LMAN2: variants seen among roughly 807,000 people sequenced by gnomAD.
The protein encoded by LMAN2 is vesicular integral-membrane protein VIP36.
LMAN2 carries 22 observed loss-of-function variants against 39.3 expected under a neutral mutation model. That is an observed-to-expected ratio of 0.56 (90% CI 0.40 to 0.80). The LOEUF (loss-of-function observed/expected upper bound fraction) is 0.80. Among genes scored for constraint, LMAN2 ranks in the 30% least tolerant of loss-of-function variants. LMAN2 has a pLI of 0.00. For synonymous variants in LMAN2, 207 were observed against 207.8 expected (o/e 1.00, Z 0.03); for missense variants, 494 against 505.4 (o/e 0.98, Z 0.22).
chr5:177,346,868 G>C (rs1303358743), intron 2 of LMAN2, among the ~76,000 whole-genome samples: 1 of 152,034 alleles, frequency 6.6e-6, no homozygotes, highest in East Asian at 1.9e-4. Flanking sequence ...AAAACATGAG[G>C]AAAGCTAGAG....
At chr5:177,348,477 A>T (rs1761669750) in intron 2 of LMAN2, among the ~76,000 whole-genome samples, 1 of 152,164 alleles carries the variant, frequency 6.6e-6, no homozygotes, top group African/African-American at 2.4e-5. Flanking sequence ...ACTTGAGGCC[A>T]GGAGTCGGAG....
chr5:177,345,339 TAAA>T (rs10639580), intron 2 of LMAN2, among the ~76,000 whole-genome samples: 9 of 52,412 alleles, frequency 1.7e-4, no homozygotes, highest in East Asian at 7.8e-4. Flanking sequence ...AGACCCTGTC[TAAA>T]AAAAAAAAAA....
At position 177,348,878 on chromosome 5, in the gene LMAN2, C is replaced by A. The variant is rs1173050678; in HGVS notation, c.315+2295G>T. Among the ~76,000 whole-genome samples, 6 of 122,426 alleles carry A rather than the reference C, an allele frequency of 4.9e-5. No individual in the cohort carries two copies. The South Asian group carries it at 1.3e-3, about 27-fold the overall frequency. 80.3% of individuals were successfully genotyped at this position (122,426 alleles called of 152,430 possible). ...CAGCCTGGGTGACAGAACAAGACTC[C>A]GTCTCAAAAAAAAAAAAAAAAAAAG... On this transcript the variant is annotated intron_variant, in intron 2 of 7. Coordinates refer to ENST00000303127, the MANE Select transcript of LMAN2 (RefSeq NM_006816.3).
intron 2 of LMAN2, among the ~76,000 whole-genome samples, chr5:177,348,514 T>C (rs1035790391): frequency 6.6e-6 from 1 of 151,530 alleles, no homozygotes; most frequent in African/African-American, 2.4e-5. Context: ...TGGCAAAACC[T>C]CATCTCTACT....
intron 2 of LMAN2, among the ~76,000 whole-genome samples, chr5:177,340,781 GACTC>G (rs1323878608): frequency 6.7e-6 from 1 of 149,602 alleles, no homozygotes; most frequent in African/African-American, 2.4e-5. Context: ...AAAAAAATCA[GACTC>G]ACTCTGTCGC....
Position 177,339,726 on chromosome 5 carries a change from A to G in LMAN2, c.316-1121T>C, listed in dbSNP as rs75458383. ...AGAGAAATGAATACAGGAGTAAAGGAACATGAACCAGTATTAATGATGGGT... is the reference window on the plus strand; with the variant it reads ...AGAGAAATGAATACAGGAGTAAAGGGACATGAACCAGTATTAATGATGGGT... On this transcript the variant is annotated intron_variant, in intron 2 of 7. Transcript: ENST00000303127. Among the ~76,000 whole-genome samples, 603 of 152,354 alleles carry G rather than the reference A, an allele frequency of 4.0e-3. 1 individual carries two copies. The highest frequency in any genetic ancestry group is 6.5e-3 in the Non-Finnish European group (444 of 68,024).
chr5:177,338,986 C>T (rs925472817), intron 2 of LMAN2, among the ~76,000 whole-genome samples: 1 of 152,256 alleles, frequency 6.6e-6, no homozygotes, highest in Non-Finnish European at 1.5e-5. Flanking sequence ...CTTCTGCAGA[C>T]GTTACAACTC....
intron 2 of LMAN2, 43 bp downstream of exon 2, chr5:177,351,130 C>G (rs1761716063): frequency 6.3e-7 from 1 of 1,577,914 alleles, no homozygotes; most frequent in Non-Finnish European, 8.7e-7. Flanking sequence ...CAGGGACTAG[C>G]AGCCAACCGC....
At chr5:177,347,509 G>C (rs955749754) in intron 2 of LMAN2, among the ~76,000 whole-genome samples, 3 of 152,110 alleles carry the variant, frequency 2.0e-5, no homozygotes, top group African/African-American at 4.8e-5. Flanking sequence ...GCACAGGCTG[G>C]AAATGATTCA....
Position 177,337,358 on chromosome 5 carries a change from C to T in LMAN2, c.675+5G>A, listed in dbSNP as rs1247938814. The T allele has an allele frequency of 6.2e-7, 1 of 1,610,784 alleles. No homozygotes were observed. Among genetic ancestry groups the T allele is most frequent in the Non-Finnish European group, 8.5e-7 (1 of 1,179,842 alleles). ...GCTGCCACCCCCACCGCCTAGCCTG[C>T]TCACCGTCAGACGGCCCCGGGAGTA... On this transcript the variant is annotated splice_donor_5th_base_variant and intron_variant, in intron 5 of 7. Transcript: ENST00000303127. This position sits in a 1 kb window ranked among gnomAD's most constrained non-coding sequence, Gnocchi z 8.2.
At position 177,351,446 on chromosome 5, in the gene LMAN2, C is replaced by A. The variant is rs766066667; in HGVS notation, c.196+6G>T. On this transcript the variant is annotated splice_donor_region_variant and intron_variant, in intron 1 of 7. Transcript: ENST00000303127. ...TCTTCACTCATTCCCGCCCCAAGGG[C>A]TTCACCTTGGTAGGGCTTAATGAGC... is the stretch of plus-strand genomic sequence containing the variant. The A allele has an allele frequency of 3.7e-6, 6 of 1,611,538 alleles. No homozygotes were observed. Among genetic ancestry groups the A allele is most frequent in the Middle Eastern group, 3.3e-4 (2 of 6,060 alleles).
intron 2 of LMAN2, among the ~76,000 whole-genome samples, chr5:177,343,240 C>T (rs968397763): frequency 2.6e-5 from 4 of 152,000 alleles, no homozygotes; most frequent in African/African-American, 9.7e-5. Context: ...GGCGACAGGG[C>T]GAGACTTCAT....
Position 177,337,840 on chromosome 5 carries a change from G to A in LMAN2, c.434-55C>T. The A allele has an allele frequency of 2.0e-6, 3 of 1,525,602 alleles. No individual in the cohort carries two copies. The highest frequency in any genetic ancestry group is 2.7e-6 in the Non-Finnish European group (3 of 1,108,326). The allele number at this position is 1,525,602 out of a possible 1,614,324, so 94.5% of individuals were successfully genotyped here. A position where few individuals can be genotyped will look rare whatever the true frequency, so the allele number is the denominator to read the frequency against. ...GGGAGAAACAGGAGCCGTCCCATGG[G>A]TACCTAAAAGGCAAGCAATGCCAAC... On this transcript the variant is annotated intron_variant, in intron 3 of 7. Coordinates refer to ENST00000303127, the MANE Select transcript of LMAN2 (RefSeq NM_006816.3). This position sits in a 1 kb window ranked among gnomAD's most constrained non-coding sequence, Gnocchi z 8.2.
chr5:177,343,063 C>G (rs1210281553), intron 2 of LMAN2, among the ~76,000 whole-genome samples: 2 of 152,018 alleles, frequency 1.3e-5, no homozygotes, highest in Non-Finnish European at 1.5e-5. Context: ...ACCGTCCTGG[C>G]TAACACGGTG....
chr5:177,343,897 C>T (rs1761594914), intron 2 of LMAN2, among the ~76,000 whole-genome samples: 1 of 152,106 alleles, frequency 6.6e-6, no homozygotes, highest in South Asian at 2.1e-4. Flanking sequence ...CTTAATGCCA[C>T]TGACCTGTAC....
chr5:177,346,388 CA>C, intron 2 of LMAN2: 1 of 734,346 alleles, frequency 1.4e-6, no homozygotes, highest in Non-Finnish European at 1.9e-6. Flanking sequence ...AGTATTGAGC[CA>C]GGAGTTGAGG....
chr5:177,338,425 G>A, intron 3 of LMAN2, 63 bp downstream of exon 3: 4 of 1,381,156 alleles, frequency 2.9e-6, no homozygotes, highest in Non-Finnish European at 4.1e-6. Context: ...CACCTCCCTA[G>A]GGGGCCAGCA....
In LMAN2 at chr5:177,332,378, G is replaced by T. The variant is rs1056184874; in HGVS notation, c.911-132C>A. ...GCCGGTCGTACTCACCCCCCTCACC[G>T]GGGAGGGGCAGAGGTCAGGTGAAGC... On this transcript the variant is annotated intron_variant, in intron 7 of 7. Coordinates refer to ENST00000303127, the MANE Select transcript of LMAN2 (RefSeq NM_006816.3). The surrounding 1 kb of genome is among the most constrained non-coding windows in gnomAD (Gnocchi z 6.3). The T allele has an allele frequency of 1.2e-6, 1 of 801,444 alleles. No individual in the cohort carries two copies. The highest frequency in any genetic ancestry group is 2.0e-6 in the Non-Finnish European group (1 of 505,776). 49.6% of individuals were successfully genotyped at this position (801,444 alleles called of 1,614,324 possible).
rs777847709 is a variant in LMAN2, at chr5:177,351,486, G to C, written c.162C>G (p.Leu54=). ...GCTTAATGAGCGAATGCTCCCGCTT[G>C]AGATGTTCACTGTTGCCGTCAGTTA... ...ADITDGNSEH[L]KREHSLIKPY... Residue 54 remains leucine (L), a synonymous_variant, in exon 1 of 8, where the codon CTC becomes CTG. Transcript: ENST00000303127. 1.9e-6 allele frequency: 3 copies of C among 1,614,024 alleles called. No homozygotes were observed. Among genetic ancestry groups the C allele is most frequent in the Admixed American group, 3.3e-5 (2 of 59,948 alleles).
Sources: allele counts gnomAD v4.1 joint callset (sites outside exome capture counted in the v4.1 genomes callset), GRCh38; gene constraint gnomAD v4.1.1; non-coding constraint Gnocchi (gnomAD v3.1); transcripts MANE v1.5; gene names NCBI Gene and HGNC (gene_info 2026-07-23, HGNC 2026-07-21).